ADCY2: variants seen among roughly 807,000 people sequenced by gnomAD.
ADCY2 encodes adenylate cyclase 2, also known as adenylate cyclase type 2.
A neutral mutation model predicts 125.2 loss-of-function variants in ADCY2; 31 were observed. The observed-to-expected ratio is 0.25, with a 90% CI of 0.19 to 0.33. The LOEUF is 0.33. ADCY2 is among the 10% of genes least tolerant of loss of function. ADCY2 has a pLI of 1.00. For synonymous variants in ADCY2, 512 were observed against 548.4 expected, an observed-to-expected ratio of 0.93 and a Z score of 0.93; for missense variants, 904 against 1,418.2, an observed-to-expected ratio of 0.64 and a Z score of 5.82.
intron 3 of ADCY2, among the ~76,000 whole-genome samples, chr5:7,534,044 C>T (rs544453033): frequency 1.3e-5 from 2 of 152,300 alleles, no homozygotes; most frequent in South Asian, 2.1e-4. Flanking sequence ...TCTCTGGAGT[C>T]CAGCCTCCTG....
chr5:7,673,101 A>G (rs1188446025), intron 4 of ADCY2, among the ~76,000 whole-genome samples: 1 of 150,786 alleles, frequency 6.6e-6, no homozygotes, highest in Non-Finnish European at 1.5e-5. Flanking sequence ...AGCAAAACCG[A>G]ATTTTATAAA....
At chr5:7,640,712 G>A (rs1738671877) in intron 4 of ADCY2, among the ~76,000 whole-genome samples, 1 of 151,832 alleles carries the variant, frequency 6.6e-6, no homozygotes, top group Admixed American at 6.6e-5. Flanking sequence ...TAAGAGGGAA[G>A]CCTAGAGCAG....
intron 2 of ADCY2, among the ~76,000 whole-genome samples, chr5:7,509,042 T>G (rs1579517885): frequency 6.6e-6 from 1 of 152,310 alleles, no homozygotes; most frequent in East Asian, 1.9e-4. Context: ...AATTAGGCTT[T>G]CAGAGAGATC....
At chr5:7,698,516 T>A in intron 7 of ADCY2, 142 bp downstream of exon 7, 2 of 848,506 alleles carry the variant, frequency 2.4e-6, no homozygotes, top group Non-Finnish European at 3.8e-6. Flanking sequence ...CATTAGGTAT[T>A]TCTACTAATG....
At chr5:7,539,918 C>A (rs1734939508) in intron 3 of ADCY2, among the ~76,000 whole-genome samples, 1 of 152,218 alleles carries the variant, frequency 6.6e-6, no homozygotes, top group African/African-American at 2.4e-5. Context: ...CCCACAAAGT[C>A]CTTGACTCTC....
chr5:7,547,700 C>T (rs1305073914), intron 3 of ADCY2, among the ~76,000 whole-genome samples: 7 of 152,180 alleles, frequency 4.6e-5, no homozygotes, highest in African/African-American at 1.2e-4. Context: ...TGACACGCAA[C>T]GTTTTGTAGT....
chr5:7,486,855 G>C (rs1281847683), intron 2 of ADCY2, among the ~76,000 whole-genome samples: 1 of 152,178 alleles, frequency 6.6e-6, no homozygotes, highest in Admixed American at 6.5e-5. Flanking sequence ...GACTGCACAG[G>C]TCCAAGGTAG....
chr5:7,697,229 A>T (rs1329298865), intron 6 of ADCY2, among the ~76,000 whole-genome samples: 1 of 152,168 alleles, frequency 6.6e-6, no homozygotes, highest in Non-Finnish European at 1.5e-5. Context: ...TAATATGTGA[A>T]TTTGGAAGGA....
intron 4 of ADCY2, among the ~76,000 whole-genome samples, chr5:7,655,507 G>A (rs2126686556): frequency 6.6e-6 from 1 of 152,334 alleles, no homozygotes; most frequent in East Asian, 1.9e-4. Flanking sequence ...CAGGAGGCTG[G>A]AAGCCAAAAC....
In ADCY2 at chr5:7,796,052, C is replaced by T. The variant is rs184935060; in HGVS notation, c.2629-6166C>T. The T allele has an allele frequency of 1.6e-4, 24 of 152,182 alleles. No homozygotes were observed. The East Asian group carries it at 3.7e-3, about 23-fold the overall frequency. The allele number at this position is 152,182 out of a possible 1,614,324, so 9.4% of individuals were successfully genotyped here. A position where few individuals can be genotyped will look rare whatever the true frequency, so the allele number is the denominator to read the frequency against. ...TGCAATAAAGCAAGACGCAATACAA[C>T]AAGGTCTACCTATAAGCCAAAAAAA... On this transcript the variant is annotated intron_variant, in intron 20 of 24. Coordinates refer to ENST00000338316, the MANE Select transcript of ADCY2 (RefSeq NM_020546.3).
At chr5:7,539,361 A>T (rs999431776) in intron 3 of ADCY2, among the ~76,000 whole-genome samples, 15 of 152,036 alleles carry the variant, frequency 9.9e-5, no homozygotes, top group African/African-American at 3.6e-4. Flanking sequence ...GGATTAAAAA[A>T]AAAAAAATAA....
At chr5:7,645,502 C>T (rs1738863690) in intron 4 of ADCY2, among the ~76,000 whole-genome samples, 1 of 152,138 alleles carries the variant, frequency 6.6e-6, no homozygotes, top group African/African-American at 2.4e-5. Flanking sequence ...ACCTTCATTA[C>T]CAATGAGACA....
intron 14 of ADCY2, among the ~76,000 whole-genome samples, chr5:7,733,257 C>T (rs914565917): frequency 6.6e-6 from 1 of 152,162 alleles, no homozygotes; most frequent in African/African-American, 2.4e-5. Flanking sequence ...TATTTCTACT[C>T]AGATCTCTAG....
chr5:7,607,056 C>G (rs889780131), intron 3 of ADCY2, among the ~76,000 whole-genome samples: 5 of 152,190 alleles, frequency 3.3e-5, no homozygotes, highest in Non-Finnish European at 5.9e-5. Context: ...TGATCCTGTT[C>G]TGCCTTCGCT....
chr5:7,813,479 A>G (rs1265597119), intron 22 of ADCY2, among the ~76,000 whole-genome samples: 2 of 152,276 alleles, frequency 1.3e-5, no homozygotes, highest in Non-Finnish European at 2.9e-5. Flanking sequence ...AATATGTTTC[A>G]GAGAACTGAG....
chr5:7,795,927 C>T (rs1443207412), intron 20 of ADCY2: 2 of 152,126 alleles, frequency 1.3e-5, no homozygotes, highest in Non-Finnish European at 2.9e-5. Context: ...CATGGATACA[C>T]AAAATGAGCA....
intron 2 of ADCY2, among the ~76,000 whole-genome samples, chr5:7,492,584 TTATAG>T (rs1743202435): frequency 6.6e-6 from 1 of 152,164 alleles, no homozygotes; most frequent in Non-Finnish European, 1.5e-5. Flanking sequence ...CTGCCAGATC[TTATAG>T]ATCAGTTAGA....
intron 2 of ADCY2, among the ~76,000 whole-genome samples, chr5:7,453,618 G>A (rs1341821801): frequency 6.6e-6 from 1 of 152,166 alleles, no homozygotes; most frequent in East Asian, 1.9e-4. Context: ...AGGAAAGACG[G>A]GAAGTATACT....
intron 2 of ADCY2, among the ~76,000 whole-genome samples, chr5:7,440,232 C>A (rs989730309): frequency 2.1e-4 from 32 of 152,138 alleles, no homozygotes; most frequent in African/African-American, 7.2e-4. Flanking sequence ...TCATGCATTA[C>A]TTTTATATTT....
Sources: allele counts gnomAD v4.1 joint callset (sites outside exome capture counted in the v4.1 genomes callset), GRCh38; gene constraint gnomAD v4.1.1; transcripts MANE v1.5; gene names NCBI Gene and HGNC (gene_info 2026-07-23, HGNC 2026-07-21).